Variants in LMO7 observed in about 807,000 individuals in gnomAD.
LMO7 encodes LIM domain only protein 7.
Under a neutral mutation model 206.5 loss-of-function variants are expected in LMO7, and 120 were observed. That is an observed-to-expected ratio of 0.58 (90% CI 0.50 to 0.68). The LOEUF is 0.68. Ranked by LOEUF, LMO7 falls within the 30% of genes least tolerant of loss-of-function variation. LMO7 has a pLI of 0.00. For synonymous variants in LMO7, 706 were observed against 681.5 expected (o/e 1.04, Z -0.56); for missense variants, 1,959 against 1,957.9 (o/e 1.00, Z -0.01).
At chr13:75,850,363 G>A (rs902164097) in intron 27 of LMO7, among the ~76,000 whole-genome samples, 5 of 152,092 alleles carry the variant, frequency 3.3e-5, no homozygotes, top group Admixed American at 2.6e-4. Flanking sequence ...TTATATATCT[G>A]ACCCTCTGAG....
chr13:75,624,731 T>C (rs2138681448), intron 2 of LMO7, among the ~76,000 whole-genome samples: 1 of 152,284 alleles, frequency 6.6e-6, no homozygotes, highest in Non-Finnish European at 1.5e-5. Context: ...AACCATCATA[T>C]CTTGTGAGAC....
chr13:75,626,595 A>ATATATATATATT, intron 2 of LMO7, among the ~76,000 whole-genome samples: 1 of 71,098 alleles, frequency 1.4e-5, no homozygotes, highest in Admixed American at 1.5e-4. Flanking sequence ...ATATATATAA[A>ATATATATATATT]TTTTTTTGAG....
rs575259703 is a variant in LMO7, at chr13:75,821,207, G to C, written c.2238G>C (p.Pro746=). ...CCCAAAATCAAAAGTCTACAGTTCC[G>C]TCAAGAAGGAGAATGTATTCTTTTG... The part of the protein sequence containing the change: ...RESQNQKSTV[P]SRRRMYSFDD... Residue 746 remains proline (P), a synonymous_variant, in exon 14 of 31, where the codon CCG becomes CCC. Transcript: ENST00000377534. 5.0e-6 allele frequency: 8 copies of C among 1,610,834 alleles called. No homozygotes were observed. Among genetic ancestry groups the C allele is most frequent in the Non-Finnish European group, 5.1e-6 (6 of 1,179,000 alleles).
chr13:75,678,183 A>G (rs371309295), intron 1 of LMO7, among the ~76,000 whole-genome samples: 6,487 of 152,108 alleles, frequency 0.043, 202 homozygotes, highest in Middle Eastern at 0.075. Flanking sequence ...GGGTCAAATG[A>G]TATTTCTAGT....
chr13:75,857,258 A>G (rs1437406833), intron 30 of LMO7: 2 of 152,238 alleles, frequency 1.3e-5, no homozygotes, highest in African/African-American at 4.8e-5. Flanking sequence ...TGTGTTGTGT[A>G]TAGCTACAGC....
In LMO7 at chr13:75,853,318, A is replaced by G. The variant is rs1460970247; in HGVS notation, c.4591A>G (p.Thr1531Ala). 6 of 1,613,792 alleles carry G rather than the reference A, an allele frequency of 3.7e-6. No individual in the cohort carries two copies. The highest frequency in any genetic ancestry group is 5.1e-6 in the Non-Finnish European group (6 of 1,179,902). ...SVKTSTTGVA[T>A]TQSPTPRSHS... The stretch of plus-strand genomic sequence containing the variant: ...GAAGACCTCCACCACAGGTGTGGCC[A>G]CCACACAGTCCCCCACCCCGAGAAG... Residue 1531 changes from threonine (T) to alanine (A), a missense_variant, in exon 28 of 31, where the codon ACC (threonine) becomes GCC (alanine). Coordinates refer to ENST00000377534, the MANE Select transcript of LMO7 (RefSeq NM_001306080.2).
chr13:75,685,892 T>C (rs1031081646), intron 1 of LMO7, among the ~76,000 whole-genome samples: 19 of 47,962 alleles, frequency 4.0e-4, no homozygotes, highest in Admixed American at 1.5e-3. Flanking sequence ...TTCTTTCTCT[T>C]TTTTTTTTTT....
At position 75,701,340 on chromosome 13, in the gene LMO7, C is replaced by T. The variant is rs1316372736; in HGVS notation, c.70-11842C>T. Among the ~76,000 whole-genome samples, 5 of 152,216 alleles carry T rather than the reference C, an allele frequency of 3.3e-5. No individual in the cohort carries two copies. In the East Asian group the frequency reaches 5.8e-4, roughly 18 times the overall value. Reference sequence around the variant, plus strand: ...TAAAGTATATCATAGGTAGCAAGGGCGTAACTGTCAGTTTGAAGTTTATGT... The same window carrying T: ...TAAAGTATATCATAGGTAGCAAGGGTGTAACTGTCAGTTTGAAGTTTATGT... On this transcript the variant is annotated intron_variant, in intron 1 of 30. Transcript: ENST00000377534.
intron 4 of LMO7, among the ~76,000 whole-genome samples, chr13:75,775,712 A>T (rs944059741): frequency 6.6e-6 from 1 of 152,104 alleles, no homozygotes; most frequent in Non-Finnish European, 1.5e-5. Context: ...CATGCTCAAC[A>T]TCACTGATCA....
In LMO7 at chr13:75,621,625, G is replaced by A. The variant is rs551928682; in HGVS notation, c.-69G>A. 4.4e-4 allele frequency: 342 copies of A among 774,358 alleles called. 1 individual carries two copies. The highest frequency in any genetic ancestry group is 6.3e-4 in the Non-Finnish European group (325 of 516,596). The allele number at this position is 774,358 out of a possible 1,614,324, so 48.0% of individuals were successfully genotyped here. A position where few individuals can be genotyped will look rare whatever the true frequency, so the allele number is the denominator to read the frequency against. On this transcript the variant is annotated 5_prime_UTR_variant, in exon 1 of 30. Coordinates refer to the LMO7 transcript ENST00000341547. ...TTTCAATATGGTGCTACAGTGATAG[G>A]GCAAGTGCAAATAAGTTCAATATAT...
Position 75,691,003 on chromosome 13 carries a change from T to C in LMO7, c.70-22179T>C, listed in dbSNP as rs1443756085. On this transcript the variant is annotated intron_variant, in intron 1 of 30. Coordinates refer to ENST00000377534, the MANE Select transcript of LMO7 (RefSeq NM_001306080.2). ...ATAAAATTTTTATACATATTTATAA[T>C]ATATATGTAGATATGTATATGTATT... is the stretch of plus-strand genomic sequence containing the variant. 2.6e-5 allele frequency among the ~76,000 whole-genome samples: 4 copies of C among 152,124 alleles called. No homozygotes were observed. The East Asian group carries it at 7.7e-4, about 29-fold the overall frequency.
At chr13:75,827,986 T>A (rs2058289116) in intron 15 of LMO7, among the ~76,000 whole-genome samples, 1 of 152,224 alleles carries the variant, frequency 6.6e-6, no homozygotes, top group Admixed American at 6.5e-5. Context: ...ACCTGCTCTC[T>A]GTAAGGGTGG....
At chr13:75,781,562 A>T (rs1003096329) in intron 4 of LMO7, among the ~76,000 whole-genome samples, 1 of 151,886 alleles carries the variant, frequency 6.6e-6, no homozygotes, top group African/African-American at 2.4e-5. Context: ...AGTCTTTGCT[A>T]TTGTGAATAG....
chr13:75,741,837 C>G (rs954524846), intron 3 of LMO7, among the ~76,000 whole-genome samples: 1 of 152,174 alleles, frequency 6.6e-6, no homozygotes, highest in Non-Finnish European at 1.5e-5. Flanking sequence ...AGGATACCCT[C>G]TCTTACTACT....
intron 1 of LMO7, among the ~76,000 whole-genome samples, chr13:75,658,864 C>G (rs2038306041): frequency 6.6e-6 from 1 of 152,176 alleles, no homozygotes; most frequent in South Asian, 2.1e-4. Flanking sequence ...GCTGGGACTA[C>G]AGGTGTGAGC....
At chr13:75,718,028 A>C (rs1752629701) in intron 2 of LMO7, among the ~76,000 whole-genome samples, 1 of 152,234 alleles carries the variant, frequency 6.6e-6, no homozygotes, top group African/African-American at 2.4e-5. Flanking sequence ...TAGGCAAACA[A>C]TGGTGTAAGG....
chr13:75,742,298 A>C (rs766455031), intron 3 of LMO7, among the ~76,000 whole-genome samples: 12 of 152,194 alleles, frequency 7.9e-5, no homozygotes, highest in Non-Finnish European at 1.3e-4. Context: ...TCATTAATAT[A>C]GCCATACTGC....
Position 75,667,555 on chromosome 13 carries a change from A to G in LMO7, c.69+30829A>G, listed in dbSNP as rs145307719. Among the ~76,000 whole-genome samples, 723 of 151,914 alleles carry G rather than the reference A, an allele frequency of 4.8e-3. 3 individuals are homozygous for G. Among genetic ancestry groups the G allele is most frequent in the African/African-American group, 0.017 (699 of 41,418 alleles). ...TTCAGCTGTTAGTCTTATCTGGTGA[A>G]ATTTTTCATTTTAGCCACTTTATTT... On this transcript the variant is annotated intron_variant, in intron 1 of 30. Transcript: ENST00000377534.
chr13:75,735,941 T>A (rs2045784346), intron 3 of LMO7, among the ~76,000 whole-genome samples: 2 of 152,170 alleles, frequency 1.3e-5, no homozygotes, highest in South Asian at 4.1e-4. Flanking sequence ...AAAATTGTCA[T>A]TTCTTGGATC....
Sources: allele counts gnomAD v4.1 joint callset (sites outside exome capture counted in the v4.1 genomes callset), GRCh38; gene constraint gnomAD v4.1.1; transcripts MANE v1.5; gene names NCBI Gene and HGNC (gene_info 2026-07-23, HGNC 2026-07-21).